VWDE: variants seen among roughly 807,000 people sequenced by gnomAD.
VWDE encodes the protein von Willebrand factor D and EGF domains, also known as von Willebrand factor D and EGF domain-containing protein.
A neutral mutation model predicts 178.4 loss-of-function variants in VWDE; 207 were observed. That is an observed-to-expected ratio of 1.16 (90% CI 1.04 to 1.30). VWDE has a LOEUF of 1.30. VWDE is among the 50% of genes most tolerant of loss of function. VWDE has a pLI of 0.00. For missense variants in VWDE, 2,287 were observed against 1,901.3 expected, an observed-to-expected ratio of 1.20 and a Z score of -3.77; for synonymous variants, 738 against 651.4, an observed-to-expected ratio of 1.13 and a Z score of -2.02.
rs185455304 is a variant in VWDE at position 12,401,077 on chromosome 7, A to G, written c.58+2582T>C. On this transcript the variant is annotated intron_variant, in intron 1 of 28. Transcript: ENST00000275358. ...AAGTTTCCTCAACTTGATAAAGGAT[A>G]TATACGAAAATCCCATAGCTTACAT... Among the ~76,000 whole-genome samples the G allele has an allele frequency of 2.6e-5, 4 of 152,252 alleles. No individual in the cohort carries two copies. In the East Asian group the frequency reaches 7.7e-4, roughly 29 times the overall value.
At chr7:12,372,877 C>A in intron 10 of VWDE, 100 bp downstream of exon 10, 3 of 1,206,174 alleles carry the variant, frequency 2.5e-6, no homozygotes, top group Non-Finnish European at 3.5e-6. Flanking sequence ...TTTTCTTAAA[C>A]AAACTAATGT....
chr7:12,373,141 C>A lies in VWDE; in HGVS notation c.1423G>T (p.Val475Leu). 1 of 1,551,356 alleles carries A rather than the reference C, an allele frequency of 6.4e-7. No individual in the cohort carries two copies. Among genetic ancestry groups the A allele is most frequent in the Non-Finnish European group, 8.7e-7 (1 of 1,146,808 alleles). The change falls in exon 10 of 29, where the codon GTG becomes TTG. Residue 475 changes from valine (V) to leucine (L), a missense_variant. By Grantham distance (32) the Val-to-Leu change is conservative. Coordinates refer to ENST00000275358, the MANE Select transcript of VWDE (RefSeq NM_001135924.3). ...GCAACAAACCCACAATTACATGACA[C>A]TGGATAGTGAAGGCTTCTGCAGTCC... ...QWDCRSLHYP[V>L]SCNCGFVAQE...
rs1562495592 is a variant in VWDE, at chr7:12,370,646, A to G, written c.1796+10T>C. Reference sequence around the variant, plus strand: ...TTAATATAATCGCAAGTGGAAAAATAGTGTCTTACCTCCATTCATTAATAA... The same window carrying G: ...TTAATATAATCGCAAGTGGAAAAATGGTGTCTTACCTCCATTCATTAATAA... On this transcript the variant is annotated intron_variant, in intron 11 of 28. Transcript: ENST00000275358. The G allele has an allele frequency of 8.4e-6, 13 of 1,548,704 alleles. No individual in the cohort carries two copies. Among genetic ancestry groups the G allele is most frequent in the Non-Finnish European group, 1.0e-5 (12 of 1,145,574 alleles).
At chr7:12,393,507 A>C in intron 2 of VWDE, 87 bp downstream of exon 2, 1 of 1,149,760 alleles carries the variant, frequency 8.7e-7, no homozygotes, top group Non-Finnish European at 1.2e-6. Flanking sequence ...TTTTAGCATG[A>C]GAAATAAGCT....
intron 1 of VWDE, among the ~76,000 whole-genome samples, chr7:12,397,745 G>A (rs1784695817): frequency 6.6e-6 from 1 of 151,928 alleles, no homozygotes; most frequent in Non-Finnish European, 1.5e-5. Flanking sequence ...TTGAAAAGTG[G>A]GCAAAAGACA....
chr7:12,393,730 C>T lies in VWDE; in HGVS notation c.107G>A (p.Arg36Lys). The T allele has an allele frequency of 6.4e-7, 1 of 1,551,068 alleles. No homozygotes were observed. The highest frequency in any genetic ancestry group is 1.2e-5 in the South Asian group (1 of 84,000). Residue 36 changes from arginine (R) to lysine (K), a missense_variant, in exon 2 of 29, where the codon AGA becomes AAA. By Grantham distance (26) the Arg-to-Lys change is conservative. Coordinates refer to ENST00000275358, the MANE Select transcript of VWDE (RefSeq NM_001135924.3). ...GTGCCATGAGTCAAAACGGACACTTCTATAAGGACTCCGAAGAAACTGGTG... is the reference window on the plus strand; with the variant it reads ...GTGCCATGAGTCAAAACGGACACTTTTATAAGGACTCCGAAGAAACTGGTG... ...GGHQFLRSPYRSVRFDSWHLQ... is the reference protein window; with the variant it reads ...GGHQFLRSPYKSVRFDSWHLQ...
chr7:12,373,304 T>C (rs1783319076), intron 9 of VWDE, 57 bp from the exon 10 acceptor site: 5 of 1,504,908 alleles, frequency 3.3e-6, no homozygotes, highest in Non-Finnish European at 4.5e-6. Flanking sequence ...CACAATAGTA[T>C]GTTATTGATT....
At position 12,344,274 on chromosome 7, in the gene VWDE, A is replaced by T. The variant is rs1324920001; in HGVS notation, c.3999T>A (p.Asp1333Glu). ...TAATACATTTTCCATGGTTTTTGCA[A>T]TCAGGGTCACAAAGAGCTGTATAAA... is the stretch of plus-strand genomic sequence containing the variant. The part of the protein sequence containing the change: ...SNCQTALCDP[D>E]CKNHGKCIKP... Residue 1333 changes from aspartate to glutamate, a missense_variant, in exon 21 of 29, where the codon GAT becomes GAA. Asp to Glu is a conservative substitution (Grantham distance 45). Transcript: ENST00000275358. The T allele has an allele frequency of 6.4e-7, 1 of 1,551,170 alleles. No homozygotes were observed. Among genetic ancestry groups the T allele is most frequent in the African/African-American group, 1.4e-5 (1 of 73,136 alleles).
chr7:12,386,615 C>T (rs1784111938), intron 3 of VWDE, among the ~76,000 whole-genome samples: 2 of 152,176 alleles, frequency 1.3e-5, no homozygotes, highest in African/African-American at 2.4e-5. Flanking sequence ...CTTGCTGCAG[C>T]TGCTGTTTGA....
At position 12,351,605 on chromosome 7, in the gene VWDE, C is replaced by G; in HGVS notation, c.3854G>C (p.Arg1285Thr). ...ATTTCCACTTGTTGGCTTAACATGC[C>G]TCTTTCTCCCTTGGGCATTTTTATC... is the stretch of plus-strand genomic sequence containing the variant. ...EDDKNAQGRK[R>T]HVKPTSGNAF... is the part of the protein sequence containing the mutation. The change falls in exon 19 of 29, where the codon AGG (arginine) becomes ACG (threonine). Residue 1285 changes from arginine (R) to threonine (T), a missense_variant. Coordinates refer to ENST00000275358, the MANE Select transcript of VWDE (RefSeq NM_001135924.3). The G allele has an allele frequency of 6.5e-7, 1 of 1,549,702 alleles. No homozygotes were observed. The highest frequency in any genetic ancestry group is 1.2e-5 in the South Asian group (1 of 83,714).
chr7:12,369,822 G>T lies in VWDE; in HGVS notation c.2484C>A (p.Gly828=). The T allele has an allele frequency of 6.4e-7, 1 of 1,551,406 alleles. No individual in the cohort carries two copies. The highest frequency in any genetic ancestry group is 8.7e-7 in the Non-Finnish European group (1 of 1,146,874). Residue 828 remains glycine (G), a synonymous_variant, in exon 12 of 29, where the codon GGC becomes GGA. Transcript: ENST00000275358. ...TCTCTATAACACTGTCTAATCTCTT[G>T]CCAAGAAAAGCAAGACACAGCCTTC... ...SIGRLCLAFL[G]KRLDSVIEMC... is the part of the protein sequence containing the mutation.
At chr7:12,364,455 T>C (rs1280467275) in intron 13 of VWDE, among the ~76,000 whole-genome samples, 1 of 152,102 alleles carries the variant, frequency 6.6e-6, no homozygotes, top group East Asian at 1.9e-4. Context: ...CAAAAAATTA[T>C]GGGAGCAAGT....
At chr7:12,383,042 G>A (rs915580493) in intron 4 of VWDE, among the ~76,000 whole-genome samples, 2 of 150,886 alleles carry the variant, frequency 1.3e-5, no homozygotes, top group African/African-American at 2.4e-5. Flanking sequence ...TTGTTGTATT[G>A]TATAATGTAC....
intron 19 of VWDE, among the ~76,000 whole-genome samples, chr7:12,347,661 T>G (rs1030624204): frequency 6.6e-6 from 1 of 152,106 alleles, no homozygotes; most frequent in Non-Finnish European, 1.5e-5. Flanking sequence ...AGGTAATTTA[T>G]AGATTCAATG....
In VWDE at chr7:12,373,079, G is replaced by A. The variant is rs1255771327; in HGVS notation, c.1485C>T (p.Cys495=). 2.6e-6 allele frequency: 4 copies of A among 1,551,200 alleles called. No individual in the cohort carries two copies. Among genetic ancestry groups the A allele is most frequent in the Non-Finnish European group, 1.7e-6 (2 of 1,146,714 alleles). ...EGGDIVTFDM[C]NGQLRESQPY... The stretch of plus-strand genomic sequence containing the variant: ...GTTGTGATTCACGTAGCTGACCATT[G>A]CACATATCAAAAGTAACTATATCAC... The change falls in exon 10 of 29, where the codon TGC becomes TGT. Residue 495 remains cysteine (C), a synonymous_variant. Transcript: ENST00000275358.
At chr7:12,379,223 G>A (rs1175281746) in intron 6 of VWDE, among the ~76,000 whole-genome samples, 2 of 152,170 alleles carry the variant, frequency 1.3e-5, no homozygotes, top group Non-Finnish European at 2.9e-5. Flanking sequence ...TAGAGGAATA[G>A]ACCTTCTGCT....
chr7:12,383,695 A>C, intron 3 of VWDE, 94 bp from the exon 4 acceptor site: 2 of 1,066,404 alleles, frequency 1.9e-6, no homozygotes, highest in Non-Finnish European at 2.8e-6. Context: ...AGGATGATTT[A>C]ATACAGACTA....
rs965911695 is a variant in VWDE at position 12,380,736 on chromosome 7, G to A, written c.542-3C>T. 1.0e-5 allele frequency: 16 copies of A among 1,550,788 alleles called. No homozygotes were observed. The highest frequency in any genetic ancestry group is 1.4e-5 in the Non-Finnish European group (16 of 1,146,600). ...TGGCAATGAGGCAGCCAGCTGACCTGGGGAGAAAATGCATAATTTGTAACT... is the reference window on the plus strand; with the variant it reads ...TGGCAATGAGGCAGCCAGCTGACCTAGGGAGAAAATGCATAATTTGTAACT... On this transcript the variant is annotated splice_polypyrimidine_tract_variant and splice_region_variant and intron_variant, in intron 4 of 28. Transcript: ENST00000275358.
chr7:12,369,209 G>C (rs1783019086), intron 12 of VWDE, among the ~76,000 whole-genome samples: 2 of 152,118 alleles, frequency 1.3e-5, no homozygotes, highest in African/African-American at 2.4e-5. Context: ...TGTGTGTAAA[G>C]GCCCTGAGGT....
Sources: gnomAD v4.1 joint callset for allele counts (sites outside exome capture counted in the v4.1 genomes callset) on GRCh38, gnomAD v4.1.1 for gene constraint, MANE v1.5 for transcripts, NCBI Gene and HGNC (gene_info 2026-07-23, HGNC 2026-07-21) for gene names.